XPNPEP1: variants seen among roughly 807,000 people sequenced by gnomAD.
XPNPEP1 encodes the protein X-prolyl aminopeptidase 1.
A neutral mutation model predicts 92.4 loss-of-function variants in XPNPEP1; 39 were observed. That is an observed-to-expected ratio of 0.42 (90% confidence interval 0.33 to 0.55). The LOEUF is 0.55. Among genes scored for constraint, XPNPEP1 ranks in the 20% least tolerant of loss-of-function variants. XPNPEP1 has a pLI of 0.08. For missense variants in XPNPEP1, 654 were observed against 856.1 expected (o/e 0.76, Z 2.95); for synonymous variants, 307 against 299.4 (o/e 1.03, Z -0.26).
intron 20 of XPNPEP1, among the ~76,000 whole-genome samples, chr10:109,865,603 C>T (rs1294436872): frequency 6.6e-6 from 1 of 152,162 alleles, no homozygotes; most frequent in Non-Finnish European, 1.5e-5. Context: ...GGCTTCATTC[C>T]CTTAAACCTG....
intron 3 of XPNPEP1, among the ~76,000 whole-genome samples, chr10:109,898,975 G>A (rs1849130841): frequency 6.6e-6 from 1 of 152,168 alleles, no homozygotes; most frequent in Non-Finnish European, 1.5e-5. Flanking sequence ...CATGAGCTTG[G>A]CACTGTGCCT....
chr10:109,882,780 C>T (rs1451064561), intron 9 of XPNPEP1, 138 bp from the exon 10 acceptor site: 7 of 902,890 alleles, frequency 7.8e-6, no homozygotes, highest in Non-Finnish European at 1.2e-5. Context: ...CCACTCCTTT[C>T]CCAAATCCTG....
chr10:109,908,524 C>G (rs1210513253), intron 2 of XPNPEP1, among the ~76,000 whole-genome samples: 1 of 152,182 alleles, frequency 6.6e-6, no homozygotes, highest in Non-Finnish European at 1.5e-5. Context: ...ATCACTTGCA[C>G]TCAGGAGGTG....
At chr10:109,912,295 A>G (rs1288391400) in intron 2 of XPNPEP1, among the ~76,000 whole-genome samples, 4 of 152,210 alleles carry the variant, frequency 2.6e-5, no homozygotes, top group African/African-American at 9.7e-5. Context: ...TTTATCATCA[A>G]TATTAGACAT....
At chr10:109,891,141 T>A (rs909194570) in intron 5 of XPNPEP1, 1 of 152,304 alleles carries the variant, frequency 6.6e-6, no homozygotes, top group Non-Finnish European at 1.5e-5. Flanking sequence ...TTGATCTATA[T>A]GCTTTCCACA....
At chr10:109,901,361 T>C (rs1392801493) in intron 3 of XPNPEP1, among the ~76,000 whole-genome samples, 2 of 152,066 alleles carry the variant, frequency 1.3e-5, no homozygotes, top group Non-Finnish European at 2.9e-5. Flanking sequence ...TATACATATG[T>C]TAACAAACCT....
intron 1 of XPNPEP1, among the ~76,000 whole-genome samples, chr10:109,920,983 T>C (rs968903525): frequency 2.0e-5 from 3 of 152,180 alleles, no homozygotes; most frequent in South Asian, 2.1e-4. Flanking sequence ...AAACTCTCTG[T>C]GTGAGCATCA....
chr10:109,915,834 G>A (rs149724362), intron 1 of XPNPEP1, among the ~76,000 whole-genome samples: 160 of 152,066 alleles, frequency 1.1e-3, no homozygotes, highest in African/African-American at 3.7e-3. Context: ...CCCAGGCTCA[G>A]GTTACTAGCA....
intron 3 of XPNPEP1, chr10:109,894,064 G>A (rs1848845491): frequency 6.6e-6 from 1 of 152,262 alleles, no homozygotes; most frequent in African/African-American, 2.4e-5. Flanking sequence ...TGAGTACAGA[G>A]CTGCTGCTCC....
intron 9 of XPNPEP1, 167 bp downstream of exon 9, chr10:109,883,900 A>T (rs1848245014): frequency 1.6e-6 from 1 of 631,758 alleles, no homozygotes; most frequent in Non-Finnish European, 2.7e-6. Context: ...GATATAAATA[A>T]ACACCTACTG....
intron 3 of XPNPEP1, chr10:109,893,278 C>G (rs1564772736): frequency 6.1e-6 from 3 of 494,728 alleles, no homozygotes; most frequent in Non-Finnish European, 1.1e-5. Context: ...GCAGAGAGAG[C>G]TGTTCCCTTT....
chr10:109,877,994 C>A lies in XPNPEP1; in HGVS notation c.1241+6G>T. 6.2e-7 allele frequency: 1 copy of A among 1,614,250 alleles called. No individual in the cohort carries two copies. Among genetic ancestry groups the A allele is most frequent in the Non-Finnish European group, 8.5e-7 (1 of 1,180,042 alleles). On this transcript the variant is annotated splice_donor_region_variant and intron_variant, in intron 13 of 20. Transcript: ENST00000502935. Reference sequence around the variant, plus strand: ...GGCTCCTGGGTCCCCCCAAATGGATCCTTACCTGCGAAACTCCTCAGCTTT... The same window carrying A: ...GGCTCCTGGGTCCCCCCAAATGGATACTTACCTGCGAAACTCCTCAGCTTT...
chr10:109,922,637 T>A (rs1463093049), intron 1 of XPNPEP1, among the ~76,000 whole-genome samples: 5 of 152,218 alleles, frequency 3.3e-5, no homozygotes, highest in Non-Finnish European at 7.3e-5. Flanking sequence ...AGCAGGTGGG[T>A]GACCCCTTGG....
intron 6 of XPNPEP1, 115 bp from the exon 7 acceptor site, chr10:109,888,307 C>G (rs1419000188): frequency 1.4e-6 from 2 of 1,432,726 alleles, no homozygotes. Context: ...TGGCCCAGAG[C>G]TGGGTGTGCA....
intron 3 of XPNPEP1, among the ~76,000 whole-genome samples, chr10:109,893,835 T>A (rs923955778): frequency 2.6e-5 from 4 of 152,222 alleles, no homozygotes; most frequent in African/African-American, 9.6e-5. Context: ...GCTAATTAAG[T>A]AGCAGAGGCA....
chr10:109,871,402 C>T (rs1466156314), intron 17 of XPNPEP1, among the ~76,000 whole-genome samples: 1 of 152,176 alleles, frequency 6.6e-6, no homozygotes, highest in African/African-American at 2.4e-5. Flanking sequence ...AGTCAGGGTC[C>T]CAGTAAAATA....
intron 2 of XPNPEP1, among the ~76,000 whole-genome samples, chr10:109,912,939 G>T (rs1386064672): frequency 6.6e-6 from 1 of 152,190 alleles, no homozygotes; most frequent in Non-Finnish European, 1.5e-5. Flanking sequence ...AATCTTCAGT[G>T]ACAGATAGGC....
In XPNPEP1 at chr10:109,888,486, G is replaced by A. The variant is rs1306983457; in HGVS notation, c.508+17C>T. 2 of 1,598,858 alleles carry A rather than the reference G, an allele frequency of 1.3e-6. No individual in the cohort carries two copies. Among genetic ancestry groups the A allele is most frequent in the African/African-American group, 2.7e-5 (2 of 74,426 alleles). ...GCCACTTCCTTACCCAAGCAGAAAG[G>A]GACCAAGCTCACTTACCTGTAGGAA... On this transcript the variant is annotated intron_variant, in intron 6 of 20. Coordinates refer to ENST00000502935, the MANE Select transcript of XPNPEP1 (RefSeq NM_020383.4).
intron 1 of XPNPEP1, among the ~76,000 whole-genome samples, chr10:109,917,617 G>A (rs537667623): frequency 8.5e-5 from 13 of 152,184 alleles, no homozygotes; most frequent in Non-Finnish European, 1.6e-4. Context: ...GGTTGAAACT[G>A]ACAAGCAGAT....
Sources: gnomAD v4.1 joint callset for allele counts (sites outside exome capture counted in the v4.1 genomes callset) on GRCh38, gnomAD v4.1.1 for gene constraint, MANE v1.5 for transcripts, NCBI Gene and HGNC (gene_info 2026-07-23, HGNC 2026-07-21) for gene names.